MARCHF7: variants seen among roughly 807,000 people sequenced by gnomAD.
MARCHF7 encodes the protein E3 ubiquitin-protein ligase MARCHF7.
Under a neutral mutation model 76.5 loss-of-function variants are expected in MARCHF7, and 20 were observed. That is an observed-to-expected ratio of 0.26 (90% CI 0.18 to 0.38). The LOEUF is 0.38. Ranked by LOEUF, MARCHF7 falls within the 10% of genes least tolerant of loss-of-function variation. MARCHF7 has a pLI of 1.00. For synonymous variants in MARCHF7, 295 were observed against 293.0 expected (o/e 1.01, Z -0.07); for missense variants, 797 against 812.9 (o/e 0.98, Z 0.24).
intron 5 of MARCHF7, 133 bp downstream of exon 5, chr2:159,743,386 TCTTA>T (rs750692140): frequency 3.9e-6 from 3 of 766,404 alleles, no homozygotes; most frequent in East Asian, 2.8e-5. Context: ...ATTTCCAAAA[TCTTA>T]CTTTAAATTA....
chr2:159,764,081 C>T (rs1707423911), intron 10 of MARCHF7, among the ~76,000 whole-genome samples: 1 of 151,990 alleles, frequency 6.6e-6, no homozygotes, highest in Non-Finnish European at 1.5e-5. Flanking sequence ...TTCATATTAA[C>T]AAGTTTTACA....
rs1401902652 is a variant in MARCHF7, at chr2:159,752,429, A to G, written c.1641A>G (p.Glu547=). The change falls in exon 8 of 12, where the codon GAA becomes GAG. Residue 547 remains glutamate (E), a synonymous_variant. Coordinates refer to ENST00000409175, the MANE Select transcript of MARCHF7 (RefSeq NM_001282805.2). ...TCCTTTTAGAGGACTCAGAAGAAGA[A>G]GAAGGTGACTTATGTAGAATTTGTC... is the stretch of plus-strand genomic sequence containing the variant. ...ESLLLEDSEE[E]EGDLCRICQM... The G allele has an allele frequency of 3.8e-6, 6 of 1,598,796 alleles. No individual in the cohort carries two copies. Among genetic ancestry groups the G allele is most frequent in the Admixed American group, 1.8e-5 (1 of 56,366 alleles).
intron 3 of MARCHF7, among the ~76,000 whole-genome samples, chr2:159,716,206 C>T (rs1701015260): frequency 6.6e-6 from 1 of 151,376 alleles, no homozygotes; most frequent in East Asian, 1.9e-4. Flanking sequence ...CCTTAGCTTC[C>T]ATGTCTCCAT....
chr2:159,745,113 T>C (rs1302777020), intron 5 of MARCHF7, among the ~76,000 whole-genome samples: 1 of 152,228 alleles, frequency 6.6e-6, no homozygotes. Flanking sequence ...ACTTTTTTTG[T>C]GAAATTCTCC....
At chr2:159,721,417 C>T (rs976228958) in intron 3 of MARCHF7, among the ~76,000 whole-genome samples, 2 of 152,154 alleles carry the variant, frequency 1.3e-5, no homozygotes, top group Admixed American at 1.3e-4. Flanking sequence ...GTTTTTTACT[C>T]TTGTTGCTGT....
intron 3 of MARCHF7, among the ~76,000 whole-genome samples, chr2:159,723,736 T>C (rs1056688178): frequency 6.6e-6 from 1 of 152,238 alleles, no homozygotes; most frequent in African/African-American, 2.4e-5. Context: ...AGAGCTCACC[T>C]AATAACAATC....
At chr2:159,740,808 T>G (rs1447226665) in intron 4 of MARCHF7, among the ~76,000 whole-genome samples, 1 of 152,208 alleles carries the variant, frequency 6.6e-6, no homozygotes, top group Non-Finnish European at 1.5e-5. Flanking sequence ...ACCTTCTACT[T>G]TATTTTCAAA....
intron 3 of MARCHF7, among the ~76,000 whole-genome samples, chr2:159,720,749 G>T (rs1405359524): frequency 6.6e-6 from 1 of 152,156 alleles, no homozygotes; most frequent in Non-Finnish European, 1.5e-5. Context: ...ACTAAATTGG[G>T]ACCACCTTAA....
chr2:159,726,490 C>T (rs1256708054), intron 3 of MARCHF7, among the ~76,000 whole-genome samples: 1 of 151,426 alleles, frequency 6.6e-6, no homozygotes, highest in Non-Finnish European at 1.5e-5. Flanking sequence ...TCTTGATCTC[C>T]TGACCTTGTG....
At chr2:159,733,490 AC>A (rs1703064699) in intron 4 of MARCHF7, 3 of 967,888 alleles carry the variant, frequency 3.1e-6, no homozygotes, top group Non-Finnish European at 2.4e-6. Context: ...TTCCTGCCTC[AC>A]CCTCCAAAGG....
chr2:159,715,935 C>A (rs1036565072), intron 3 of MARCHF7, among the ~76,000 whole-genome samples, 169 bp downstream of exon 3: 6 of 152,150 alleles, frequency 3.9e-5, no homozygotes, highest in South Asian at 2.1e-4. Flanking sequence ...AAAATGGTTT[C>A]TACTTAAGAT....
At position 159,769,260 on chromosome 2, in the gene MARCHF7, G is replaced by A. The variant is rs1388271348; in HGVS notation, c.*1918G>A. The A allele has an allele frequency of 6.6e-6, 1 of 152,178 alleles. No homozygotes were observed. The highest frequency in any genetic ancestry group is 1.5e-5 in the Non-Finnish European group (1 of 68,036). The allele number at this position is 152,178 out of a possible 1,614,324, so 9.4% of individuals were successfully genotyped here. Reference sequence around the variant, plus strand: ...TGAAGAAAGCAGTTTCTACATTCTGGATGTAGTAAACAAGCCTGCCTGTGT... The same window carrying A: ...TGAAGAAAGCAGTTTCTACATTCTGAATGTAGTAAACAAGCCTGCCTGTGT... On this transcript the variant is annotated 3_prime_UTR_variant, in exon 12 of 12. Transcript: ENST00000409175.
At chr2:159,741,860 C>T (rs1022984485) in intron 4 of MARCHF7, among the ~76,000 whole-genome samples, 2 of 152,106 alleles carry the variant, frequency 1.3e-5, no homozygotes, top group Non-Finnish European at 2.9e-5. Flanking sequence ...GTCTCTGAGC[C>T]ATTTAGAGAT....
chr2:159,732,733 T>G (rs979796381), intron 4 of MARCHF7: 15 of 512,146 alleles, frequency 2.9e-5, no homozygotes, highest in Admixed American at 6.4e-5. Context: ...GGTCTTGCTG[T>G]GTTGCCCAGG....
chr2:159,739,303 G>A (rs549558881), intron 4 of MARCHF7, among the ~76,000 whole-genome samples: 1 of 152,350 alleles, frequency 6.6e-6, no homozygotes, highest in East Asian at 1.9e-4. Flanking sequence ...CTTTGTGGCA[G>A]CCGCTCCAGA....
intron 10 of MARCHF7, among the ~76,000 whole-genome samples, chr2:159,764,212 TTGTGTGTGTGTGTGTGTG>T (rs377705664): frequency 3.5e-4 from 49 of 138,644 alleles, no homozygotes; most frequent in East Asian, 1.1e-3. Context: ...CTTGGGAGTT[TTGTGTGTGTGTGTGTGTG>T]TGTGTGTGTG....
At chr2:159,753,681 A>C (rs1705945714) in intron 8 of MARCHF7, among the ~76,000 whole-genome samples, 1 of 152,234 alleles carries the variant, frequency 6.6e-6, no homozygotes, top group Non-Finnish European at 1.5e-5. Context: ...GATCTTATTA[A>C]TATTTGGCTG....
At chr2:159,741,443 G>A (rs781252200) in intron 4 of MARCHF7, among the ~76,000 whole-genome samples, 16 of 137,662 alleles carry the variant, frequency 1.2e-4, no homozygotes, top group Non-Finnish European at 2.4e-4. Flanking sequence ...CATCTACCCC[G>A]TGAACTTCAG....
At chr2:159,740,004 A>T (rs908108287) in intron 4 of MARCHF7, among the ~76,000 whole-genome samples, 9 of 152,208 alleles carry the variant, frequency 5.9e-5, no homozygotes, top group Admixed American at 5.2e-4. Context: ...AGTATTTTTA[A>T]TGAATGGCAT....
Sources: allele counts gnomAD v4.1 joint callset (sites outside exome capture counted in the v4.1 genomes callset), GRCh38; gene constraint gnomAD v4.1.1; transcripts MANE v1.5; gene names NCBI Gene and HGNC (gene_info 2026-07-23, HGNC 2026-07-21).